Variants in SEPTIN10 observed in about 807,000 individuals in gnomAD.
The protein encoded by SEPTIN10 is septin-10.
A neutral mutation model predicts 54.8 loss-of-function variants in SEPTIN10; 66 were observed. The observed-to-expected ratio is 1.21, with a 90% CI of 0.99 to 1.48. The LOEUF is 1.48. Ranked by LOEUF, SEPTIN10 falls within the 40% of genes most tolerant of loss-of-function variation. SEPTIN10 has a pLI of 0.00. For synonymous variants in SEPTIN10, 161 were observed against 181.0 expected (o/e 0.89, Z 0.89); for missense variants, 620 against 545.6 (o/e 1.14, Z -1.36).
chr2:109,582,019 A>G (rs958740313), intron 4 of SEPTIN10, among the ~76,000 whole-genome samples: 12 of 152,090 alleles, frequency 7.9e-5, no homozygotes, highest in Non-Finnish European at 1.3e-4. Flanking sequence ...GCATTTCTGT[A>G]TATCAATAAT....
At chr2:109,590,451 G>A (rs1280356067) in intron 2 of SEPTIN10, among the ~76,000 whole-genome samples, 1 of 150,944 alleles carries the variant, frequency 6.6e-6, no homozygotes. Flanking sequence ...TTTCTTTTGA[G>A]ACAGAGTTTT....
chr2:109,552,593 T>A, intron 9 of SEPTIN10: 1 of 157,152 alleles, frequency 6.4e-6, no homozygotes. Context: ...ATACACTGTG[T>A]TGCCACTGTG....
Position 109,581,368 on chromosome 2 carries a change from C to T in SEPTIN10, c.413+3758G>A, listed in dbSNP as rs1416636239. 6.6e-5 allele frequency among the ~76,000 whole-genome samples: 10 copies of T among 151,428 alleles called. 1 individual carries two copies. The highest frequency in any genetic ancestry group is 6.6e-4 in the Admixed American group (10 of 15,194). Reference sequence around the variant, plus strand: ...TTGAGAATCACCTGAACCCAGGAGGCGGAGGTTGCAGTGAGCCGAGATTGC... The same window carrying T: ...TTGAGAATCACCTGAACCCAGGAGGTGGAGGTTGCAGTGAGCCGAGATTGC... On this transcript the variant is annotated intron_variant, in intron 4 of 10. Coordinates refer to ENST00000397712, the MANE Select transcript of SEPTIN10 (RefSeq NM_144710.5).
At chr2:109,562,972 A>G (rs566952484) in intron 8 of SEPTIN10, among the ~76,000 whole-genome samples, 2 of 151,422 alleles carry the variant, frequency 1.3e-5, no homozygotes, top group East Asian at 3.9e-4. Flanking sequence ...GTGCAGTGGC[A>G]CGATCTCAGC....
chr2:109,565,760 T>C lies in SEPTIN10; in HGVS notation c.859+3A>G, dbSNP rs1686836347. 2 of 1,612,094 alleles carry C rather than the reference T, an allele frequency of 1.2e-6. No homozygotes were observed. Among genetic ancestry groups the C allele is most frequent in the Non-Finnish European group, 1.7e-6 (2 of 1,178,252 alleles). ...ATTTCTAGTCATCCTTTGTCTCATT[T>C]ACCTTGTACAACACCCCAAGGGTAC... On this transcript the variant is annotated splice_donor_region_variant and intron_variant, in intron 7 of 10. Coordinates refer to ENST00000397712, the MANE Select transcript of SEPTIN10 (RefSeq NM_144710.5).
Position 109,576,039 on chromosome 2 carries a change from T to C in SEPTIN10, c.414-1272A>G, listed in dbSNP as rs573020454. 1.2e-4 allele frequency among the ~76,000 whole-genome samples: 18 copies of C among 152,146 alleles called. No homozygotes were observed. The East Asian group carries it at 3.5e-3, about 30-fold the overall frequency. On this transcript the variant is annotated intron_variant, in intron 4 of 10. Transcript: ENST00000397712. ...TGGGAGACCAAGGCAGGAGGATCAC[T>C]TGAGGCCAGGAGTTCAAGAACAGCC...
intron 1 of SEPTIN10, among the ~76,000 whole-genome samples, chr2:109,599,256 G>C (rs1558880504): frequency 6.6e-6 from 1 of 151,834 alleles, no homozygotes. Flanking sequence ...TCAGGAGTTT[G>C]AGACCAGCCT....
chr2:109,553,577 G>T (rs1683609875), intron 8 of SEPTIN10, among the ~76,000 whole-genome samples: 1 of 148,784 alleles, frequency 6.7e-6, no homozygotes, highest in African/African-American at 2.5e-5. Context: ...AAGTGGCCTG[G>T]CCTGGTGGCT....
chr2:109,544,831 C>T (rs1007719354), intron 10 of SEPTIN10: 1 of 750,982 alleles, frequency 1.3e-6, no homozygotes, highest in Non-Finnish European at 1.6e-6. Context: ...CTGCTCTAGG[C>T]TCTGGGGATG....
intron 1 of SEPTIN10, among the ~76,000 whole-genome samples, chr2:109,600,985 C>T (rs893998017): frequency 6.6e-6 from 1 of 152,182 alleles, no homozygotes; most frequent in African/African-American, 2.4e-5. Flanking sequence ...GGGCTTCTGT[C>T]CCCATGGAGG....
rs1447745448 is a variant in SEPTIN10 at position 109,613,946 on chromosome 2, T to A, written c.-119A>T. 5.4e-6 allele frequency: 6 copies of A among 1,112,458 alleles called. No individual in the cohort carries two copies. The highest frequency in any genetic ancestry group is 4.3e-5 in the South Asian group (1 of 23,140). 68.9% of individuals were successfully genotyped at this position (1,112,458 alleles called of 1,614,324 possible). ...CAACGGGCGGGGCGCGAGGCTAGGC[T>A]GCCTCCGCGACGGGGAAGGGACAGG... On this transcript the variant is annotated 5_prime_UTR_variant, in exon 1 of 11. Coordinates refer to ENST00000397712, the MANE Select transcript of SEPTIN10 (RefSeq NM_144710.5).
chr2:109,574,651 T>A lies in SEPTIN10; in HGVS notation c.530A>T (p.Tyr177Phe). ...AGAGTGGCCTGTCGGTGAAATGAAG[T>A]AGAGACACACATGGATGCGAGAATC... ...YHDSRIHVCL[Y>F]FISPTGHSLK... Residue 177 changes from tyrosine to phenylalanine, a missense_variant, in exon 5 of 11, where the codon TAC (tyrosine) becomes TTC (phenylalanine). By Grantham distance (22) the Tyr-to-Phe change is conservative. Coordinates refer to ENST00000397712, the MANE Select transcript of SEPTIN10 (RefSeq NM_144710.5). 6.2e-7 allele frequency: 1 copy of A among 1,607,782 alleles called. No individual in the cohort carries two copies. The highest frequency in any genetic ancestry group is 8.5e-7 in the Non-Finnish European group (1 of 1,177,132).
At chr2:109,555,872 TG>T (rs1239633057) in intron 8 of SEPTIN10, among the ~76,000 whole-genome samples, 3 of 152,184 alleles carry the variant, frequency 2.0e-5, no homozygotes, top group African/African-American at 4.8e-5. Context: ...TTTTCATTTC[TG>T]TGTTCATCCT....
chr2:109,595,283 A>G (rs1004417202), intron 1 of SEPTIN10, among the ~76,000 whole-genome samples: 1 of 152,228 alleles, frequency 6.6e-6, no homozygotes, highest in African/African-American at 2.4e-5. Flanking sequence ...TCAGTGAGGG[A>G]CACAACGGTT....
chr2:109,565,575 T>C (rs72938251), intron 7 of SEPTIN10, among the ~76,000 whole-genome samples, 188 bp downstream of exon 7: 1 of 152,136 alleles, frequency 6.6e-6, no homozygotes, highest in East Asian at 1.9e-4. Context: ...GCGGGGGTAA[T>C]GTGTGTGTGG....
Position 109,553,272 on chromosome 2 carries a change from T to C in SEPTIN10, c.1029-53A>G, listed in dbSNP as rs563104817. ...GCTAAAAAGTGATATAGGTCGGGTATGGCGGCTCACGCCTGTAATCCCAAC... is the reference window on the plus strand; with the variant it reads ...GCTAAAAAGTGATATAGGTCGGGTACGGCGGCTCACGCCTGTAATCCCAAC... On this transcript the variant is annotated intron_variant, in intron 8 of 10. Transcript: ENST00000397712. The C allele has an allele frequency of 5.1e-4, 810 of 1,597,704 alleles. 10 individuals carry two copies. In the South Asian group the frequency reaches 8.3e-3, roughly 16 times the overall value.
chr2:109,585,257 A>G lies in SEPTIN10; in HGVS notation c.282T>C (p.Tyr94=). The change falls in exon 4 of 11, where the codon TAT becomes TAC. Residue 94 remains tyrosine, a synonymous_variant. Transcript: ENST00000397712. ...CATTTGGGCAAAAATGTGAGGATTC[A>G]TAGTCTTCAAAATTAGTATTAAACA... is the stretch of plus-strand genomic sequence containing the variant. ...DTLFNTNFED[Y]ESSHFCPNVK... is the part of the protein sequence containing the mutation. 1.2e-6 allele frequency: 2 copies of G among 1,613,228 alleles called. No homozygotes were observed. The highest frequency in any genetic ancestry group is 2.7e-5 in the African/African-American group (2 of 75,028).
intron 8 of SEPTIN10, among the ~76,000 whole-genome samples, chr2:109,557,523 C>G (rs1684646638): frequency 6.6e-6 from 1 of 152,174 alleles, no homozygotes; most frequent in Non-Finnish European, 1.5e-5. Flanking sequence ...GTCCATATTC[C>G]CAACTACCAC....
rs1435004635 is a variant in SEPTIN10 at position 109,558,409 on chromosome 2, G to T, written c.1029-5190C>A. ...ATACATCTTCCTTTCAAAGCTACAG[G>T]TCCCACAATACTTCAATGACAGTGA... On this transcript the variant is annotated intron_variant, in intron 8 of 10. Transcript: ENST00000397712. Among the ~76,000 whole-genome samples the T allele has an allele frequency of 8.5e-5, 13 of 152,240 alleles. No individual in the cohort carries two copies. In the East Asian group the frequency reaches 2.5e-3, roughly 29 times the overall value.
Sources: allele counts gnomAD v4.1 joint callset (sites outside exome capture counted in the v4.1 genomes callset), GRCh38; gene constraint gnomAD v4.1.1; transcripts MANE v1.5; gene names NCBI Gene and HGNC (gene_info 2026-07-23, HGNC 2026-07-21).